The following CHEK1 variants were observed in gnomAD, a reference collection of about 807,000 sequenced individuals.
CHEK1 encodes the protein serine/threonine-protein kinase Chk1.
CHEK1 carries 32 observed loss-of-function variants against 60.2 expected under a neutral mutation model. The observed-to-expected ratio is 0.53, with a 90% CI of 0.40 to 0.71. The LOEUF is 0.71. Among genes scored for constraint, CHEK1 ranks in the 30% least tolerant of loss-of-function variants. CHEK1 has a pLI of 0.00. For missense variants in CHEK1, 399 were observed against 564.6 expected, an observed-to-expected ratio of 0.71 and a Z score of 2.97; for synonymous variants, 179 against 187.2, an observed-to-expected ratio of 0.96 and a Z score of 0.36.
downstream of CHEK1, chr11:125,678,077 ACTCT>A: frequency 1.2e-6 from 2 of 1,614,074 alleles, no homozygotes; most frequent in South Asian, 1.1e-5. Context: ...AAGCATGCTC[ACTCT>A]CAGCATGTTC....
intron 7 of CHEK1, 34 bp from the exon 8 acceptor site, chr11:125,637,415 C>G: frequency 1.3e-6 from 2 of 1,559,222 alleles, no homozygotes; most frequent in Non-Finnish European, 1.7e-6. Context: ...TAACATGATT[C>G]TTTCGTGAAT....
Position 125,655,372 on chromosome 11 carries a change from CATT to C in CHEK1, c.*56_*58del, listed in dbSNP as rs769434607. The C allele has an allele frequency of 2.0e-5, 26 of 1,271,294 alleles. No homozygotes were observed. The highest frequency in any genetic ancestry group is 3.0e-5 in the Non-Finnish European group (26 of 879,530). The allele number at this position is 1,271,294 out of a possible 1,614,324, so 78.8% of individuals were successfully genotyped here. A position where few individuals can be genotyped will look rare whatever the true frequency, so the allele number is the denominator to read the frequency against. On this transcript the variant is annotated 3_prime_UTR_variant, in exon 13 of 13. Coordinates refer to ENST00000438015, the MANE Select transcript of CHEK1 (RefSeq NM_001114122.3). ...GGTGAATATAGTGCTGCTATGTTGACATTATTCTTCCTAGAGAAGATTATCCTG... is the reference window on the plus strand; with the variant it reads ...GGTGAATATAGTGCTGCTATGTTGACATTCTTCCTAGAGAAGATTATCCTG...
chr11:125,665,574 G>T lies in CHEK1; in HGVS notation c.*27+10227G>T, dbSNP rs376708992. The stretch of plus-strand genomic sequence containing the variant: ...AATTGATATTAGTTGTTCTTTAAAC[G>T]TTTGATAGAATTCAACAGTGAATCA... On this transcript the variant is annotated intron_variant, in intron 13 of 13. Transcript: ENST00000428830. Among the ~76,000 whole-genome samples, 29 of 152,044 alleles carry T rather than the reference G, an allele frequency of 1.9e-4. No homozygotes were observed. In the East Asian group the frequency reaches 5.6e-3, roughly 29 times the overall value.
intron 12 of CHEK1, among the ~76,000 whole-genome samples, chr11:125,654,299 C>T (rs940247505): frequency 5.9e-5 from 9 of 151,982 alleles, no homozygotes; most frequent in Admixed American, 5.2e-4. Context: ...CACTGCACTC[C>T]AGTCTGGGTG....
intron 1 of CHEK1, 22 bp downstream of exon 1, chr11:125,626,034 A>G (rs1565360147): frequency 1.4e-6 from 1 of 694,844 alleles, no homozygotes. Flanking sequence ...CGGCCGGTAG[A>G]GTAGGGAAGG....
intron 11 of CHEK1, among the ~76,000 whole-genome samples, chr11:125,649,386 A>T (rs868585082): frequency 1.3e-5 from 2 of 148,400 alleles, no homozygotes; most frequent in Non-Finnish European, 3.0e-5. Flanking sequence ...TCCATGGTCT[A>T]TTTTTTTTTT....
rs979249989 is a variant in CHEK1, at chr11:125,625,880, G to C, written c.-153G>C. ...TTTGGAGCCGCCGACATTCAGAGGG[G>C]CAGGACACGGGAACGCGCGCTGTCT... On this transcript the variant is annotated 5_prime_UTR_variant, in exon 1 of 13. Coordinates refer to ENST00000438015, the MANE Select transcript of CHEK1 (RefSeq NM_001114122.3). 44 of 702,554 alleles carry C rather than the reference G, an allele frequency of 6.3e-5. No individual in the cohort carries two copies. Among genetic ancestry groups the C allele is most frequent in the Non-Finnish European group, 9.9e-5 (38 of 385,032 alleles). 43.5% of individuals were successfully genotyped at this position (702,554 alleles called of 1,614,324 possible). A position where few individuals can be genotyped will look rare whatever the true frequency, so the allele number is the denominator to read the frequency against.
Position 125,641,040 on chromosome 11 carries a change from T to A in CHEK1, c.815-2752T>A, listed in dbSNP as rs544536383. On this transcript the variant is annotated intron_variant, in intron 8 of 12. Coordinates refer to ENST00000438015, the MANE Select transcript of CHEK1 (RefSeq NM_001114122.3). ...CTTTTTCCAGTGTATTCACGTTCCATGTGCTACCTGCTTGTAACTCCCTTA... is the reference window on the plus strand; with the variant it reads ...CTTTTTCCAGTGTATTCACGTTCCAAGTGCTACCTGCTTGTAACTCCCTTA... Among the ~76,000 whole-genome samples the A allele has an allele frequency of 2.0e-5, 3 of 152,308 alleles. No homozygotes were observed. The South Asian group carries it at 6.2e-4, about 32-fold the overall frequency.
At chr11:125,677,783 C>T, downstream of CHEK1, 1 of 1,612,078 alleles carries the variant, frequency 6.2e-7, no homozygotes. Flanking sequence ...GGCACCCATC[C>T]AAACATGGCT....
chr11:125,673,407 T>A (rs1444812120), intron 13 of CHEK1, among the ~76,000 whole-genome samples: 1 of 151,986 alleles, frequency 6.6e-6, no homozygotes, highest in Non-Finnish European at 1.5e-5. Flanking sequence ...TTCACCATGT[T>A]GGTCAGGCTG....
At chr11:125,678,988 A>ATATG (rs138708280), downstream of CHEK1, among the ~76,000 whole-genome samples, 2 of 140,046 alleles carry the variant, frequency 1.4e-5, no homozygotes, top group African/African-American at 5.3e-5. Flanking sequence ...TTATATATAT[A>ATATG]TATATATATA....
intron 11 of CHEK1, among the ~76,000 whole-genome samples, chr11:125,648,133 T>G (rs1055905485): frequency 1.7e-4 from 26 of 151,736 alleles, no homozygotes; most frequent in Admixed American, 1.7e-3. Context: ...ATCCTGATGC[T>G]GATGTAAATG....
chr11:125,669,665 A>G (rs777870165), intron 13 of CHEK1, among the ~76,000 whole-genome samples: 12 of 151,126 alleles, frequency 7.9e-5, no homozygotes, highest in Non-Finnish European at 1.3e-4. Context: ...CTGGGATTAC[A>G]GGCGCCCACC....
chr11:125,677,952 A>G (rs1240632120), downstream of CHEK1: 5 of 1,612,206 alleles, frequency 3.1e-6, no homozygotes, highest in Admixed American at 1.7e-5. Context: ...ACCTGACTCA[A>G]GCTCACTCAA....
chr11:125,646,739 C>G (rs1941522154), intron 11 of CHEK1, among the ~76,000 whole-genome samples: 1 of 152,066 alleles, frequency 6.6e-6, no homozygotes, highest in South Asian at 2.1e-4. Context: ...TGAGCATATT[C>G]TTATATGCTT....
At chr11:125,677,980 G>A (rs1173743263), downstream of CHEK1, 33 of 1,612,378 alleles carry the variant, frequency 2.0e-5, no homozygotes, top group Non-Finnish European at 2.6e-5. Context: ...TCTCCGGAGA[G>A]GTGTTCACCT....
At chr11:125,649,677 C>T (rs780784742) in intron 11 of CHEK1, 1 of 152,282 alleles carries the variant, frequency 6.6e-6, no homozygotes, top group Admixed American at 6.6e-5. Flanking sequence ...TGCAGTGAGT[C>T]GTGATCTGAT....
At chr11:125,667,507 G>C (rs1942121015) in intron 13 of CHEK1, among the ~76,000 whole-genome samples, 1 of 152,104 alleles carries the variant, frequency 6.6e-6, no homozygotes, top group Non-Finnish European at 1.5e-5. Context: ...AGATTCTTTA[G>C]GGTTTTTCAT....
Position 125,625,949 on chromosome 11 carries a change from C to T in CHEK1, c.-84C>T, listed in dbSNP as rs1164009422. On this transcript the variant is annotated 5_prime_UTR_variant, in exon 1 of 13. Coordinates refer to ENST00000438015, the MANE Select transcript of CHEK1 (RefSeq NM_001114122.3). Reference sequence around the variant, plus strand: ...CGCGAGTTTGCGGCAGCGTGACGCCCTCAAGTTTTGGCGGGAAAAGCGCTG... The same window carrying T: ...CGCGAGTTTGCGGCAGCGTGACGCCTTCAAGTTTTGGCGGGAAAAGCGCTG... 4 of 702,616 alleles carry T rather than the reference C, an allele frequency of 5.7e-6. No homozygotes were observed. Among genetic ancestry groups the T allele is most frequent in the Non-Finnish European group, 1.0e-5 (4 of 385,008 alleles). The allele number at this position is 702,616 out of a possible 1,614,324, so 43.5% of individuals were successfully genotyped here.
Sources: gnomAD v4.1 joint callset for allele counts (sites outside exome capture counted in the v4.1 genomes callset) on GRCh38, gnomAD v4.1.1 for gene constraint, MANE v1.5 for transcripts, NCBI Gene and HGNC (gene_info 2026-07-23, HGNC 2026-07-21) for gene names.